Variants in PCDH9 observed in about 807,000 individuals in gnomAD.
The protein encoded by PCDH9 is protocadherin 9.
In PCDH9, 24 loss-of-function variants were observed where a neutral mutation model predicts 70.6. That is an observed-to-expected ratio of 0.34 (90% CI 0.25 to 0.48). PCDH9 has a LOEUF of 0.48. Ranked by LOEUF, PCDH9 falls within the 20% of genes least tolerant of loss-of-function variation. PCDH9 has a pLI of 0.99. For synonymous variants in PCDH9, 562 were observed against 558.5 expected (o/e 1.01, Z -0.09); for missense variants, 1,281 against 1,503.6 (o/e 0.85, Z 2.45).
chr13:66,820,338 T>A (rs1199860495), intron 3 of PCDH9, among the ~76,000 whole-genome samples: 1 of 152,162 alleles, frequency 6.6e-6, no homozygotes, highest in African/African-American at 2.4e-5. Flanking sequence ...CCCCTAGATT[T>A]CTATCTTCTG....
intron 3 of PCDH9, among the ~76,000 whole-genome samples, chr13:66,785,752 A>G (rs1227700196): frequency 6.6e-6 from 1 of 151,888 alleles, no homozygotes; most frequent in Non-Finnish European, 1.5e-5. Flanking sequence ...ATTTTCCCCA[A>G]TTGAGGAACG....
At chr13:66,892,607 A>G (rs1008890828) in intron 3 of PCDH9, among the ~76,000 whole-genome samples, 2 of 152,156 alleles carry the variant, frequency 1.3e-5, no homozygotes, top group Admixed American at 1.3e-4. Flanking sequence ...AAAAAGTAAG[A>G]TATCATACTT....
intron 3 of PCDH9, among the ~76,000 whole-genome samples, chr13:66,643,188 G>A (rs1389032601): frequency 6.6e-6 from 1 of 151,968 alleles, no homozygotes; most frequent in Non-Finnish European, 1.5e-5. Context: ...GACCTGATAA[G>A]CTGGAGGAAA....
chr13:66,764,891 T>G (rs2079687186), intron 3 of PCDH9, among the ~76,000 whole-genome samples: 1 of 151,988 alleles, frequency 6.6e-6, no homozygotes, highest in Admixed American at 6.6e-5. Context: ...ATACATCATA[T>G]CGATTTTTTG....
intron 2 of PCDH9, among the ~76,000 whole-genome samples, chr13:66,937,500 G>A (rs1465920620): frequency 6.6e-6 from 1 of 152,078 alleles, no homozygotes; most frequent in African/African-American, 2.4e-5. Context: ...GCTCCACAAG[G>A]GCAGAATCTG....
intron 4 of PCDH9, among the ~76,000 whole-genome samples, chr13:66,609,954 C>CTTTTTTTTTTTT (rs11333407): frequency 1.7e-5 from 2 of 117,134 alleles, no homozygotes; most frequent in African/African-American, 6.2e-5. Flanking sequence ...GCATTTCCTT[C>CTTTTTTTTTTTT]TTTTTTTTTT....
At chr13:67,099,992 G>A (rs748226012) in intron 2 of PCDH9, among the ~76,000 whole-genome samples, 6 of 151,980 alleles carry the variant, frequency 3.9e-5, no homozygotes, top group Non-Finnish European at 7.4e-5. Flanking sequence ...ACTCTTCCTC[G>A]TGATGTTAAA....
chr13:66,810,416 A>G (rs920279583), intron 3 of PCDH9, among the ~76,000 whole-genome samples: 1 of 152,026 alleles, frequency 6.6e-6, no homozygotes, highest in Non-Finnish European at 1.5e-5. Context: ...TTATGAGACA[A>G]TGGATACGTC....
At chr13:66,868,893 T>C (rs1426198098) in intron 3 of PCDH9, among the ~76,000 whole-genome samples, 1 of 152,150 alleles carries the variant, frequency 6.6e-6, no homozygotes, top group Non-Finnish European at 1.5e-5. Context: ...AATATGATTA[T>C]CTTTGAGTAA....
intron 2 of PCDH9, among the ~76,000 whole-genome samples, chr13:67,101,619 AAG>A (rs2086436478): frequency 6.6e-6 from 1 of 152,198 alleles, no homozygotes; most frequent in Admixed American, 6.5e-5. Context: ...AAAATATGGA[AAG>A]AGTTTTTGTT....
chr13:66,352,927 C>T (rs1349002042), intron 4 of PCDH9, among the ~76,000 whole-genome samples: 2 of 152,140 alleles, frequency 1.3e-5, no homozygotes, highest in African/African-American at 2.4e-5. Context: ...AATTCCTCCA[C>T]TCTGATCTAG....
chr13:67,115,254 G>C (rs1247279402), intron 2 of PCDH9, among the ~76,000 whole-genome samples: 1 of 152,172 alleles, frequency 6.6e-6, no homozygotes, highest in South Asian at 2.1e-4. Flanking sequence ...ATTTGCATCT[G>C]GTTTTGGTGA....
intron 2 of PCDH9, among the ~76,000 whole-genome samples, chr13:67,063,370 A>G (rs2085576948): frequency 6.6e-6 from 1 of 152,176 alleles, no homozygotes; most frequent in South Asian, 2.1e-4. Context: ...AGCAGCTGCC[A>G]TTTATTAAGG....
intron 4 of PCDH9, among the ~76,000 whole-genome samples, chr13:66,535,471 A>T (rs1960658095): frequency 6.6e-6 from 1 of 152,058 alleles, no homozygotes; most frequent in African/African-American, 2.4e-5. Context: ...TACCAGCTGT[A>T]GTTACTTCTG....
At chr13:67,200,647 AGACCT>A (rs2089186837) in intron 2 of PCDH9, among the ~76,000 whole-genome samples, 1 of 152,150 alleles carries the variant, frequency 6.6e-6, no homozygotes, top group Non-Finnish European at 1.5e-5. Flanking sequence ...AGGGTTTAAC[AGACCT>A]GCATATATTT....
intron 3 of PCDH9, among the ~76,000 whole-genome samples, chr13:66,671,832 C>T (rs940879528): frequency 1.3e-5 from 2 of 152,094 alleles, no homozygotes; most frequent in African/African-American, 4.8e-5. Context: ...AGAAGCAGAG[C>T]ATAACAGTTT....
At chr13:67,042,628 C>T (rs2085143317) in intron 2 of PCDH9, among the ~76,000 whole-genome samples, 1 of 152,146 alleles carries the variant, frequency 6.6e-6, no homozygotes, top group Non-Finnish European at 1.5e-5. Context: ...CAGATAGCTT[C>T]TACTCTTTAC....
intron 2 of PCDH9, chr13:67,213,213 AAAAAAAAAAAAAAAAAAAAAAAAAAG>A (rs1213477565): frequency 3.7e-4 from 26 of 70,024 alleles, no homozygotes; most frequent in South Asian, 3.5e-3. Flanking sequence ...TCACAAAAAA[AAAAAAAAAAAAAAAAAAAAAAAAAAG>A]AAAAAAAAAA....
intron 3 of PCDH9, among the ~76,000 whole-genome samples, chr13:66,710,178 G>C (rs1412254310): frequency 1.3e-5 from 2 of 152,032 alleles, no homozygotes; most frequent in African/African-American, 2.4e-5. Context: ...ACTAGAACTA[G>C]AATAAGTTTT....
Sources: allele counts gnomAD v4.1 joint callset (sites outside exome capture counted in the v4.1 genomes callset), GRCh38; gene constraint gnomAD v4.1.1; transcripts MANE v1.5; gene names NCBI Gene and HGNC (gene_info 2026-07-23, HGNC 2026-07-21).